Variants in SNRNP40 observed in about 807,000 individuals in gnomAD.
SNRNP40 encodes the protein U5 small nuclear ribonucleoprotein 40 kDa protein.
Under a neutral mutation model 45.8 loss-of-function variants are expected in SNRNP40, and 21 were observed. The ratio of observed to expected loss-of-function variants is 0.46; its 90% CI spans 0.32 to 0.66. The LOEUF (loss-of-function observed/expected upper bound fraction) is 0.66, where lower values mean the gene tolerates loss of function less well. Among genes scored for constraint, SNRNP40 ranks in the 30% least tolerant of loss-of-function variants. SNRNP40 has a pLI of 0.03. For synonymous variants in SNRNP40, 142 were observed against 163.8 expected, an observed-to-expected ratio of 0.87 and a Z score of 1.01; for missense variants, 344 against 439.1, an observed-to-expected ratio of 0.78 and a Z score of 1.94.
intron 5 of SNRNP40, among the ~76,000 whole-genome samples, chr1:31,280,188 G>A (rs1646006051): frequency 7.0e-6 from 1 of 143,072 alleles, no homozygotes; most frequent in Non-Finnish European, 1.5e-5. Context: ...TTTTGGAGAT[G>A]GAGTCTTGCT....
At chr1:31,282,559 CTATCTATCTA>C (rs1646025499) in intron 4 of SNRNP40, 1 of 18,686 alleles carries the variant, frequency 5.4e-5, no homozygotes, top group African/African-American at 2.0e-4. Context: ...GTCGCCTAGG[CTATCTATCTA>C]TCTATCTATC....
chr1:31,259,955 T>C lies in SNRNP40; in HGVS notation c.*117A>G, dbSNP rs1484223270. The C allele has an allele frequency of 1.2e-6, 1 of 803,844 alleles. No individual in the cohort carries two copies. Among genetic ancestry groups the C allele is most frequent in the South Asian group, 1.4e-5 (1 of 71,934 alleles). The allele number at this position is 803,844 out of a possible 1,614,324, so 49.8% of individuals were successfully genotyped here. On this transcript the variant is annotated 3_prime_UTR_variant, in exon 10 of 10. Coordinates refer to ENST00000263694, the MANE Select transcript of SNRNP40 (RefSeq NM_004814.3). ...GAATATGGCCACCGCCTCCTGTTTC[T>C]TGCTAGCAATGGTCATCTGAAGGGA...
At position 31,296,723 on chromosome 1, in the gene SNRNP40, G is replaced by T; in HGVS notation, c.29C>A (p.Pro10Gln). The change falls in exon 1 of 10, where the codon CCA (proline) becomes CAA (glutamine). Residue 10 changes from proline (P) to glutamine (Q), a missense_variant. Physicochemically the swap from Pro to Gln is moderately conservative, Grantham distance 76 (BLOSUM62 -1). Coordinates refer to ENST00000263694, the MANE Select transcript of SNRNP40 (RefSeq NM_004814.3). MIEQQKRKG[P>Q]ELPLVPVKRQ... The stretch of plus-strand genomic sequence containing the variant: ...CTTGACTGGAACCAGCGGCAACTCT[G>T]GGCCCTTACGCTTCTGCTGTTCTAT... 1 of 1,612,748 alleles carries T rather than the reference G, an allele frequency of 6.2e-7. No homozygotes were observed. The highest frequency in any genetic ancestry group is 1.1e-5 in the South Asian group (1 of 90,984).
intron 3 of SNRNP40, 53 bp from the exon 4 acceptor site, chr1:31,289,472 A>T: frequency 1.3e-6 from 2 of 1,525,842 alleles, no homozygotes; most frequent in Non-Finnish European, 1.8e-6. Context: ...AAACAGTAAC[A>T]ATCTATCTTT....
chr1:31,296,505 T>A (rs1421574592), intron 1 of SNRNP40, 106 bp downstream of exon 1: 10 of 1,396,904 alleles, frequency 7.2e-6, no homozygotes, highest in Non-Finnish European at 9.7e-6. Flanking sequence ...GTAGAAACTC[T>A]CGTTCTGCCC....
intron 6 of SNRNP40, 44 bp from the exon 7 acceptor site, chr1:31,269,284 C>G (rs759328614): frequency 8.7e-6 from 14 of 1,609,750 alleles, no homozygotes; most frequent in Non-Finnish European, 1.2e-5. Context: ...AAACAACTAT[C>G]GGCCAGAGGC....
At chr1:31,271,863 C>T (rs149101714) in intron 5 of SNRNP40, among the ~76,000 whole-genome samples, 24 of 152,138 alleles carry the variant, frequency 1.6e-4, no homozygotes, top group African/African-American at 5.5e-4. Context: ...CTTGAACTCC[C>T]GAGCTCAAGC....
At chr1:31,278,236 C>G (rs1399311873) in intron 5 of SNRNP40, among the ~76,000 whole-genome samples, 1 of 152,076 alleles carries the variant, frequency 6.6e-6, no homozygotes, top group Admixed American at 6.6e-5. Context: ...GCACTATTGT[C>G]TTTAGAAGGC....
At chr1:31,270,318 A>C (rs887159090) in intron 6 of SNRNP40, among the ~76,000 whole-genome samples, 3 of 151,916 alleles carry the variant, frequency 2.0e-5, no homozygotes, top group Non-Finnish European at 4.4e-5. Context: ...AGGAAACCTC[A>C]TTGTTCCTCA....
intron 5 of SNRNP40, among the ~76,000 whole-genome samples, chr1:31,273,949 G>A (rs1002349436): frequency 1.3e-5 from 2 of 152,124 alleles, no homozygotes; most frequent in South Asian, 4.1e-4. Context: ...TCTGGAAGAA[G>A]GAAGTTTTTT....
intron 4 of SNRNP40, 126 bp downstream of exon 4, chr1:31,289,128 A>T (rs925816910): frequency 2.7e-6 from 2 of 737,798 alleles, no homozygotes; most frequent in East Asian, 5.2e-5. Flanking sequence ...AAAAATTTCA[A>T]GTGTGTTATG....
At chr1:31,271,357 G>A (rs760407651) in intron 6 of SNRNP40, 22 bp downstream of exon 6, 38 of 1,599,912 alleles carry the variant, frequency 2.4e-5, no homozygotes, top group Admixed American at 1.4e-4. Flanking sequence ...GATCCTGGGA[G>A]AGATTTCCTT....
intron 8 of SNRNP40, among the ~76,000 whole-genome samples, chr1:31,266,328 T>C (rs962407025): frequency 2.0e-5 from 3 of 152,154 alleles, no homozygotes; most frequent in Admixed American, 2.0e-4. Flanking sequence ...TCAGTAGGAT[T>C]GAAAGAGAAA....
Position 31,267,943 on chromosome 1 carries a change from C to A in SNRNP40, c.859-11G>T. Reference sequence around the variant, plus strand: ...ACATCTCAGAAGGTTCTATGATAAACAAGAATCCACTGAATAGTAATATAC... The same window carrying A: ...ACATCTCAGAAGGTTCTATGATAAAAAAGAATCCACTGAATAGTAATATAC... On this transcript the variant is annotated splice_polypyrimidine_tract_variant and intron_variant, in intron 7 of 9. Transcript: ENST00000263694. 6.2e-7 allele frequency: 1 copy of A among 1,601,704 alleles called. No individual in the cohort carries two copies. The highest frequency in any genetic ancestry group is 8.6e-7 in the Non-Finnish European group (1 of 1,169,028).
At chr1:31,278,665 G>A (rs16834336) in intron 5 of SNRNP40, among the ~76,000 whole-genome samples, 83,173 of 151,892 alleles carry the variant, frequency 0.55, 23,727 homozygotes, top group Non-Finnish European at 0.63. Flanking sequence ...ATGGAAAAGG[G>A]ATGGGAAGTT....
intron 9 of SNRNP40, among the ~76,000 whole-genome samples, chr1:31,260,487 T>C (rs933231164): frequency 6.6e-6 from 1 of 152,008 alleles, no homozygotes; most frequent in African/African-American, 2.4e-5. Context: ...AGTTACAGTT[T>C]CTCCTTTAAT....
rs953836038 is a variant in SNRNP40 at position 31,267,893 on chromosome 1, T to C, written c.898A>G (p.Ile300Val). ...RCSWSPDGSK[I>V]AAGSADRFVY... ...TACCTGTCGGCTGAGCCAGCTGCTATTTTGCTTCCATCAGGTGACCAAGAA... is the reference window on the plus strand; with the variant it reads ...TACCTGTCGGCTGAGCCAGCTGCTACTTTGCTTCCATCAGGTGACCAAGAA... Residue 300 changes from isoleucine (I) to valine (V), a missense_variant, in exon 8 of 10, where the codon ATA (isoleucine) becomes GTA (valine). Physicochemically the swap from Ile to Val is conservative, Grantham distance 29. This residue lies in a region of SNRNP40 where 254 missense variants were observed against 380.2 expected (regional missense o/e 0.67). Coordinates refer to ENST00000263694, the MANE Select transcript of SNRNP40 (RefSeq NM_004814.3). The C allele has an allele frequency of 6.2e-7, 1 of 1,613,476 alleles. No individual in the cohort carries two copies. Among genetic ancestry groups the C allele is most frequent in the Non-Finnish European group, 8.5e-7 (1 of 1,179,482 alleles).
chr1:31,271,963 A>T (rs1311610988), intron 5 of SNRNP40, among the ~76,000 whole-genome samples: 1 of 152,240 alleles, frequency 6.6e-6, no homozygotes, highest in African/African-American at 2.4e-5. Flanking sequence ...AAGGTAGCTC[A>T]GGCTACCACG....
chr1:31,288,799 T>C (rs1646080712), intron 4 of SNRNP40, among the ~76,000 whole-genome samples: 1 of 152,064 alleles, frequency 6.6e-6, no homozygotes, highest in African/African-American at 2.4e-5. Context: ...AGTGCAGTGG[T>C]GCAATCTCTG....
Sources: gnomAD v4.1 joint callset for allele counts (sites outside exome capture counted in the v4.1 genomes callset) on GRCh38, gnomAD v4.1.1 for gene constraint, gnomAD v4.1.1 regional missense constraint, MANE v1.5 for transcripts, NCBI Gene and HGNC (gene_info 2026-07-23, HGNC 2026-07-21) for gene names.